Variants in XKR9 observed in about 807,000 individuals in gnomAD.
XKR9 encodes XK related 9, also known as XK-related protein 9.
Under a neutral mutation model 32.0 loss-of-function variants are expected in XKR9, and 32 were observed. The ratio of observed to expected loss-of-function variants is 1.00; its 90% CI spans 0.76 to 1.34. The LOEUF (loss-of-function observed/expected upper bound fraction) is 1.34. Among genes scored for constraint, XKR9 ranks in the 40% most tolerant of loss-of-function variants. The pLI is 0.00. For missense variants in XKR9, 546 were observed against 429.7 expected, an observed-to-expected ratio of 1.27 and a Z score of -2.39; for synonymous variants, 168 against 143.4, an observed-to-expected ratio of 1.17 and a Z score of -1.22.
chr8:70,946,275 C>A, the XKR9 span, among the ~76,000 whole-genome samples: 1 of 152,142 alleles, frequency 6.6e-6, no homozygotes, highest in Non-Finnish European at 1.5e-5. Context: ...GAACCCACAT[C>A]TTTTTGGCCA....
chr8:71,049,295 T>G, the XKR9 span, among the ~76,000 whole-genome samples: 4 of 152,136 alleles, frequency 2.6e-5, no homozygotes, highest in Non-Finnish European at 5.9e-5. Context: ...TTCATTGAAT[T>G]TACAATATTG....
the XKR9 span, among the ~76,000 whole-genome samples, chr8:70,877,080 AG>A: frequency 6.6e-6 from 1 of 152,304 alleles, no homozygotes; most frequent in South Asian, 2.1e-4. Flanking sequence ...GGGAGGCCTC[AG>A]GAAACTTACA....
chr8:70,742,015 A>G (rs1432591073), intron 2 of XKR9, among the ~76,000 whole-genome samples: 3 of 149,724 alleles, frequency 2.0e-5, no homozygotes, highest in African/African-American at 7.4e-5. Context: ...ATGAGATGAT[A>G]TTTCTTTGTA....
the XKR9 span, among the ~76,000 whole-genome samples, chr8:70,918,759 C>G: frequency 7.4e-6 from 1 of 135,970 alleles, no homozygotes; most frequent in East Asian, 2.1e-4. Flanking sequence ...CCAAATAGAT[C>G]ATGGGATCCT....
the XKR9 span, among the ~76,000 whole-genome samples, chr8:70,901,184 T>C: frequency 2.0e-5 from 3 of 152,332 alleles, no homozygotes; most frequent in East Asian, 3.9e-4. Flanking sequence ...AGTAATGGGA[T>C]TGCTGGGTCA....
chr8:70,765,247 A>G (rs1480764484), intron 2 of XKR9, among the ~76,000 whole-genome samples: 1 of 152,194 alleles, frequency 6.6e-6, no homozygotes, highest in African/African-American at 2.4e-5. Context: ...CATCCTCTTC[A>G]GCATCTGCTG....
chr8:70,903,874 T>G, the XKR9 span, among the ~76,000 whole-genome samples: 1 of 152,236 alleles, frequency 6.6e-6, no homozygotes, highest in Non-Finnish European at 1.5e-5. Context: ...ACATCTTTAT[T>G]TGTGCCTTCA....
At chr8:70,785,739 CTATA>C (rs58917686) in intron 2 of XKR9, among the ~76,000 whole-genome samples, 6,515 of 131,098 alleles carry the variant, frequency 0.05, 200 homozygotes, top group Non-Finnish European at 0.065. Flanking sequence ...CTCTCTCTCT[CTATA>C]TATATATATA....
At chr8:70,764,245 C>T (rs1159324439) in intron 2 of XKR9, among the ~76,000 whole-genome samples, 1 of 152,204 alleles carries the variant, frequency 6.6e-6, no homozygotes, top group Non-Finnish European at 1.5e-5. Context: ...CTTTACTCTG[C>T]TGGGACTGTA....
At chr8:70,750,165 A>G (rs921471046) in intron 2 of XKR9, among the ~76,000 whole-genome samples, 3 of 152,070 alleles carry the variant, frequency 2.0e-5, no homozygotes, top group African/African-American at 4.8e-5. Flanking sequence ...GGTTTTATTT[A>G]TAGTTTTGTT....
the XKR9 span, among the ~76,000 whole-genome samples, chr8:70,899,446 T>TA: frequency 6.6e-6 from 1 of 151,144 alleles, no homozygotes; most frequent in South Asian, 2.1e-4. Context: ...TTTTTTTTTT[T>TA]AAGAGAGATT....
downstream of XKR9, among the ~76,000 whole-genome samples, chr8:70,736,208 T>C (rs1218705637): frequency 5.9e-5 from 9 of 152,016 alleles, no homozygotes; most frequent in African/African-American, 2.2e-4. Context: ...ATTTCTCTGA[T>C]GGCCAGTGAT....
intron 2 of XKR9, among the ~76,000 whole-genome samples, chr8:70,766,968 GC>G (rs1455726333): frequency 6.6e-6 from 1 of 152,182 alleles, no homozygotes; most frequent in Non-Finnish European, 1.5e-5. Flanking sequence ...TGGTGGATAA[GC>G]TTTTTGATGT....
At chr8:70,795,897 A>T in the XKR9 span, among the ~76,000 whole-genome samples, 34 of 152,222 alleles carry the variant, frequency 2.2e-4, no homozygotes, top group Middle Eastern at 6.8e-3. Flanking sequence ...TTTGCATCTG[A>T]CAAAGGTCTA....
chr8:71,022,401 A>T, the XKR9 span, among the ~76,000 whole-genome samples: 2 of 151,666 alleles, frequency 1.3e-5, no homozygotes, highest in Admixed American at 6.6e-5. Context: ...TGGGTATAGT[A>T]CTCTTGATTG....
the XKR9 span, among the ~76,000 whole-genome samples, chr8:71,006,506 G>A: frequency 6.6e-6 from 1 of 152,172 alleles, no homozygotes; most frequent in South Asian, 2.1e-4. Flanking sequence ...TGGATGGGGT[G>A]TCCATGAGGA....
At chr8:70,702,177 G>A (rs1418033401) in intron 3 of XKR9, among the ~76,000 whole-genome samples, 1 of 151,752 alleles carries the variant, frequency 6.6e-6, no homozygotes, top group Non-Finnish European at 1.5e-5. Context: ...AATTTATTAG[G>A]GTTCAATATT....
At chr8:70,862,146 T>A in the XKR9 span, among the ~76,000 whole-genome samples, 2 of 152,304 alleles carry the variant, frequency 1.3e-5, no homozygotes, top group African/African-American at 4.8e-5. Flanking sequence ...TCCACATGAC[T>A]CAGATGTAGA....
At chr8:70,912,255 A>T in the XKR9 span, among the ~76,000 whole-genome samples, 1 of 152,090 alleles carries the variant, frequency 6.6e-6, no homozygotes, top group Non-Finnish European at 1.5e-5. Context: ...ACATTTTGTG[A>T]CATGATCAGA....
Sources: allele counts gnomAD v4.1 joint callset (sites outside exome capture counted in the v4.1 genomes callset), GRCh38; gene constraint gnomAD v4.1.1; transcripts MANE v1.5; gene names NCBI Gene and HGNC (gene_info 2026-07-23, HGNC 2026-07-21).